Variants in CD28 observed in about 807,000 individuals in gnomAD.
CD28 encodes T-cell-specific surface glycoprotein CD28.
Under a neutral mutation model 21.4 loss-of-function variants are expected in CD28, and 8 were observed. The observed-to-expected ratio is 0.37, with a 90% CI of 0.22 to 0.68. The LOEUF is 0.68. Among genes scored for constraint, CD28 ranks in the 30% least tolerant of loss-of-function variants. CD28 has a pLI of 0.55. For missense variants in CD28, 239 were observed against 272.2 expected, an observed-to-expected ratio of 0.88 and a Z score of 0.86; for synonymous variants, 106 against 104.0, an observed-to-expected ratio of 1.02 and a Z score of -0.12.
At chr2:203,729,428 C>T (rs1019025008) in intron 2 of CD28, among the ~76,000 whole-genome samples, 1 of 152,110 alleles carries the variant, frequency 6.6e-6, no homozygotes, top group African/African-American at 2.4e-5. Flanking sequence ...ACCAGTGTAC[C>T]ATCCTAACGT....
At chr2:203,713,044 T>A (rs1321438118) in intron 1 of CD28, among the ~76,000 whole-genome samples, 1 of 152,224 alleles carries the variant, frequency 6.6e-6, no homozygotes, top group Non-Finnish European at 1.5e-5. Flanking sequence ...GGGGTTCATG[T>A]TCTTACCAAT....
chr2:203,737,743 T>TCACCTATTTGG lies in CD28; in HGVS notation c.*2832_*2842dup, dbSNP rs1553647169. 2.0e-5 allele frequency: 3 copies of TCACCTATTTGG among 152,608 alleles called. No individual in the cohort carries two copies. The highest frequency in any genetic ancestry group is 4.4e-5 in the Non-Finnish European group (3 of 68,022). The allele number at this position is 152,608 out of a possible 1,614,324, so 9.5% of individuals were successfully genotyped here. On this transcript the variant is annotated 3_prime_UTR_variant, in exon 4 of 4. Coordinates refer to ENST00000324106, the MANE Select transcript of CD28 (RefSeq NM_006139.4). ...ACTCCTATAATTTTTGATTGTGAGC[T>TCACCTATTTGG]CACCTATTTGGGTTAAGCATGCCAA...
chr2:203,707,302 T>C (rs1186889801), intron 1 of CD28, among the ~76,000 whole-genome samples: 1 of 152,094 alleles, frequency 6.6e-6, no homozygotes, highest in East Asian at 1.9e-4. Flanking sequence ...GGCTTAGCTA[T>C]TATTTAAACT....
At chr2:203,730,398 G>C (rs1347753904) in intron 3 of CD28, among the ~76,000 whole-genome samples, 1 of 152,110 alleles carries the variant, frequency 6.6e-6, no homozygotes, top group Non-Finnish European at 1.5e-5. Flanking sequence ...TAATAAATGT[G>C]GTGTATTTTT....
intron 1 of CD28, among the ~76,000 whole-genome samples, chr2:203,714,926 AAGGTCCAACAC>A (rs376299941): frequency 1.1e-4 from 17 of 152,276 alleles, no homozygotes; most frequent in African/African-American, 3.8e-4. Flanking sequence ...ATGCAATGTT[AAGGTCCAACAC>A]AGTAATTATT....
At chr2:203,722,302 T>TA (rs897933782) in intron 1 of CD28, among the ~76,000 whole-genome samples, 7 of 152,056 alleles carry the variant, frequency 4.6e-5, no homozygotes, top group African/African-American at 1.7e-4. Context: ...TCCTTCTAAG[T>TA]AAAAAAAGGA....
At chr2:203,724,481 G>A (rs1693686539) in intron 1 of CD28, among the ~76,000 whole-genome samples, 1 of 152,110 alleles carries the variant, frequency 6.6e-6, no homozygotes, top group South Asian at 2.1e-4. Flanking sequence ...AGAATTTCCG[G>A]AAGTGGGAGG....
intron 1 of CD28, among the ~76,000 whole-genome samples, chr2:203,708,852 G>A (rs1693232455): frequency 6.6e-6 from 1 of 152,224 alleles, no homozygotes; most frequent in Admixed American, 6.5e-5. Context: ...ATTTGGCCTG[G>A]TGTGGTGGCT....
intron 1 of CD28, among the ~76,000 whole-genome samples, chr2:203,716,011 C>G (rs1693453382): frequency 6.6e-6 from 1 of 152,200 alleles, no homozygotes; most frequent in South Asian, 2.1e-4. Context: ...CTGCACTCCT[C>G]AAGGCTGTGC....
rs184290815 is a variant in CD28, at chr2:203,735,315, C to A, written c.*403C>A. ...CAGAAGAAAGGCTAGGAAATCATTC[C>A]TTTTGGTTAAATGGGTGTTTAATCT... is the stretch of plus-strand genomic sequence containing the variant. On this transcript the variant is annotated 3_prime_UTR_variant, in exon 4 of 4. Transcript: ENST00000324106. 1.8e-3 allele frequency: 329 copies of A among 184,882 alleles called. 1 individual carries two copies. Among genetic ancestry groups the A allele is most frequent in the African/African-American group, 7.4e-3 (311 of 42,094 alleles). 11.5% of individuals were successfully genotyped at this position (184,882 alleles called of 1,614,324 possible). A position where few individuals can be genotyped will look rare whatever the true frequency, so the allele number is the denominator to read the frequency against.
chr2:203,722,631 A>T (rs1693631987), intron 1 of CD28, among the ~76,000 whole-genome samples: 1 of 152,226 alleles, frequency 6.6e-6, no homozygotes, highest in South Asian at 2.1e-4. Context: ...GAGACTTGGA[A>T]ACCAGGGGCC....
chr2:203,718,626 A>G (rs1693525813), intron 1 of CD28, among the ~76,000 whole-genome samples: 1 of 152,234 alleles, frequency 6.6e-6, no homozygotes, highest in Admixed American at 6.5e-5. Flanking sequence ...ATGGAACCTG[A>G]TAAAGTTCTT....
At chr2:203,712,481 G>A (rs62183985) in intron 1 of CD28, among the ~76,000 whole-genome samples, 22,732 of 152,052 alleles carry the variant, frequency 0.15, 1,911 homozygotes, top group Non-Finnish European at 0.19. Context: ...GACCCCAAAT[G>A]GCAAAGAGAG....
At chr2:203,733,452 T>C (rs1214547959) in intron 3 of CD28, among the ~76,000 whole-genome samples, 2 of 152,090 alleles carry the variant, frequency 1.3e-5, no homozygotes, top group African/African-American at 4.8e-5. Flanking sequence ...GGGGGAAATC[T>C]TGAGTTTTAT....
chr2:203,715,731 A>G (rs1284896849), intron 1 of CD28, among the ~76,000 whole-genome samples: 2 of 152,162 alleles, frequency 1.3e-5, no homozygotes, highest in East Asian at 3.8e-4. Flanking sequence ...CTCCAGGATG[A>G]ACAAATTTCC....
At chr2:203,726,552 G>C (rs967937163) in intron 1 of CD28, 81 bp from the exon 2 acceptor site, 9 of 952,362 alleles carry the variant, frequency 9.5e-6, no homozygotes, top group Admixed American at 2.2e-5. Flanking sequence ...TGTTCATTTA[G>C]TTAATTAATA....
At chr2:203,722,154 A>T (rs745515632) in intron 1 of CD28, among the ~76,000 whole-genome samples, 2 of 152,154 alleles carry the variant, frequency 1.3e-5, no homozygotes, top group African/African-American at 4.8e-5. Context: ...AATAATTAGC[A>T]ATAGAAACAC....
intron 1 of CD28, among the ~76,000 whole-genome samples, chr2:203,709,161 T>C (rs1472641136): frequency 6.6e-6 from 1 of 152,112 alleles, no homozygotes; most frequent in Non-Finnish European, 1.5e-5. Context: ...CAAAGCTTCT[T>C]GTGTGCTTTG....
intron 1 of CD28, among the ~76,000 whole-genome samples, chr2:203,722,000 C>G (rs1392009493): frequency 6.6e-6 from 1 of 152,096 alleles, no homozygotes; most frequent in African/African-American, 2.4e-5. Flanking sequence ...AACTGGGGAG[C>G]CATCTGGGGT....
Sources: gnomAD v4.1 joint callset for allele counts (sites outside exome capture counted in the v4.1 genomes callset) on GRCh38, gnomAD v4.1.1 for gene constraint, MANE v1.5 for transcripts, NCBI Gene and HGNC (gene_info 2026-07-23, HGNC 2026-07-21) for gene names.